Variants in GPHN observed in about 807,000 individuals in gnomAD.
The protein encoded by GPHN is gephyrin.
In GPHN, 17 loss-of-function variants were observed where a neutral mutation model predicts 95.5. That is an observed-to-expected ratio of 0.18 (90% confidence interval 0.12 to 0.27). The LOEUF (loss-of-function observed/expected upper bound fraction) is 0.27. Ranked by LOEUF, GPHN falls within the 10% of genes least tolerant of loss-of-function variation. The pLI, the probability that GPHN is intolerant of heterozygous loss-of-function variation, is 1.00. For missense variants in GPHN, 660 were observed against 978.1 expected (o/e 0.67, Z 4.34); for synonymous variants, 320 against 322.5 (o/e 0.99, Z 0.08).
chr14:67,663,088 A>G, the GPHN span: 1 of 1,493,554 alleles, frequency 6.7e-7, no homozygotes, highest in African/African-American at 1.4e-5. Context: ...TGGCACCGGC[A>G]ATGACTTGAA....
intron 8 of GPHN, among the ~76,000 whole-genome samples, chr14:66,930,531 T>G (rs1043354778): frequency 2.7e-5 from 4 of 150,696 alleles, no homozygotes; most frequent in Non-Finnish European, 4.4e-5. Flanking sequence ...GTAGGTTTTT[T>G]TTTTTTTTTT....
chr14:66,531,201 C>T (rs768469721), intron 1 of GPHN, among the ~76,000 whole-genome samples: 5 of 152,086 alleles, frequency 3.3e-5, no homozygotes, highest in Non-Finnish European at 7.4e-5. Flanking sequence ...CCGCCTTAGC[C>T]CCCCAAAGTG....
chr14:66,721,844 G>A (rs1208557473), intron 2 of GPHN, among the ~76,000 whole-genome samples: 2 of 151,452 alleles, frequency 1.3e-5, no homozygotes, highest in Non-Finnish European at 2.9e-5. Flanking sequence ...CCAGCTACTC[G>A]GGAGGCTGAG....
At chr14:67,693,616 GTAAT>G in the GPHN span, among the ~76,000 whole-genome samples, 5 of 151,026 alleles carry the variant, frequency 3.3e-5, no homozygotes, top group Non-Finnish European at 7.4e-5. Flanking sequence ...CTTGCTTTGT[GTAAT>G]TAGAGTCCTT....
the GPHN span, among the ~76,000 whole-genome samples, chr14:67,512,376 A>G: frequency 6.6e-6 from 1 of 152,260 alleles, no homozygotes; most frequent in African/African-American, 2.4e-5. Context: ...TCAGCTCAGA[A>G]CATGAGAATC....
At chr14:67,179,139 C>T (rs1371066980) in intron 21 of GPHN, among the ~76,000 whole-genome samples, 1 of 152,176 alleles carries the variant, frequency 6.6e-6, no homozygotes, top group Admixed American at 6.5e-5. Context: ...GATTCCAGCA[C>T]TCTGGGAGGC....
At chr14:67,547,683 C>G in the GPHN span, among the ~76,000 whole-genome samples, 2 of 152,212 alleles carry the variant, frequency 1.3e-5, no homozygotes, top group African/African-American at 2.4e-5. Flanking sequence ...GGGACCATCT[C>G]TGCTTAGGAT....
chr14:67,329,789 G>A, the GPHN span, among the ~76,000 whole-genome samples: 40 of 151,896 alleles, frequency 2.6e-4, no homozygotes, highest in East Asian at 7.2e-3. Context: ...GGCCGAGTTC[G>A]TGCTACTGCA....
the GPHN span, among the ~76,000 whole-genome samples, chr14:67,493,403 AG>A: frequency 6.6e-6 from 1 of 152,166 alleles, no homozygotes; most frequent in Admixed American, 6.5e-5. Context: ...GTCCAACCCC[AG>A]CCAACACAGG....
the GPHN span, among the ~76,000 whole-genome samples, chr14:67,214,598 G>A: frequency 2.0e-5 from 3 of 152,110 alleles, no homozygotes; most frequent in Non-Finnish European, 2.9e-5. Context: ...GTCAGGTAGC[G>A]TGGTGCCTCC....
intron 1 of GPHN, among the ~76,000 whole-genome samples, chr14:66,583,127 G>A (rs1349845173): frequency 2.6e-5 from 4 of 151,750 alleles, no homozygotes; most frequent in Non-Finnish European, 5.9e-5. Flanking sequence ...GCATTTCTCT[G>A]ATGGCCAGTG....
At chr14:66,941,276 G>A (rs1567129749) in intron 8 of GPHN, among the ~76,000 whole-genome samples, 1 of 151,640 alleles carries the variant, frequency 6.6e-6, no homozygotes, top group Admixed American at 6.6e-5. Context: ...AATCATGATA[G>A]GACTGAGTTG....
Position 66,924,802 on chromosome 14 carries a change from C to A in GPHN, c.828+510C>A, listed in dbSNP as rs544806630. ...GAATTTTGATATAAATTCTGTGATT[C>A]CTCATCATAAGTAAACTTTTTAGGT... is the stretch of plus-strand genomic sequence containing the variant. On this transcript the variant is annotated intron_variant, in intron 8 of 22. Coordinates refer to ENST00000478722, the MANE Select transcript of GPHN (RefSeq NM_020806.5). 2.6e-5 allele frequency among the ~76,000 whole-genome samples: 4 copies of A among 151,660 alleles called. No homozygotes were observed. The East Asian group carries it at 5.8e-4, about 22-fold the overall frequency.
intron 1 of GPHN, among the ~76,000 whole-genome samples, chr14:66,612,856 C>T (rs2062841427): frequency 6.6e-6 from 1 of 152,028 alleles, no homozygotes; most frequent in South Asian, 2.1e-4. Flanking sequence ...AGATTTATCT[C>T]TTATTATTGC....
At chr14:66,842,799 T>G (rs943886696) in intron 4 of GPHN, 2 of 979,580 alleles carry the variant, frequency 2.0e-6, no homozygotes, top group Non-Finnish European at 3.1e-6. Flanking sequence ...TCATAAAAAA[T>G]GCTTGGATCC....
At chr14:67,672,521 C>A in the GPHN span, among the ~76,000 whole-genome samples, 2 of 148,930 alleles carry the variant, frequency 1.3e-5, no homozygotes, top group African/African-American at 5.0e-5. Flanking sequence ...TCTCGGCTCA[C>A]TGCAACCTCC....
At chr14:66,636,228 T>G (rs2064088132) in intron 1 of GPHN, among the ~76,000 whole-genome samples, 1 of 152,074 alleles carries the variant, frequency 6.6e-6, no homozygotes, top group Non-Finnish European at 1.5e-5. Context: ...AGGTGACTGT[T>G]TATAGGATTC....
the GPHN span, among the ~76,000 whole-genome samples, chr14:67,373,263 CTG>C: frequency 1.3e-5 from 2 of 152,178 alleles, no homozygotes; most frequent in African/African-American, 4.8e-5. Flanking sequence ...GGTTAAATGA[CTG>C]TTCTTTTTTT....
At chr14:67,120,041 G>C (rs180701669) in intron 16 of GPHN, among the ~76,000 whole-genome samples, 1 of 151,668 alleles carries the variant, frequency 6.6e-6, no homozygotes, top group Non-Finnish European at 1.5e-5. Flanking sequence ...TAGGAAGATC[G>C]CTTGAACCCA....
Sources: allele counts gnomAD v4.1 joint callset (sites outside exome capture counted in the v4.1 genomes callset), GRCh38; gene constraint gnomAD v4.1.1; transcripts MANE v1.5; gene names NCBI Gene and HGNC (gene_info 2026-07-23, HGNC 2026-07-21).